Variants in RGS3 observed in about 807,000 individuals in gnomAD.
RGS3 encodes regulator of G-protein signalling 3.
In RGS3, 80 loss-of-function variants were observed where a neutral mutation model predicts 132.6. That is an observed-to-expected ratio of 0.60 (90% CI 0.50 to 0.73). The LOEUF is 0.73. RGS3 is among the 30% of genes least tolerant of loss of function. The probability of loss-of-function intolerance (pLI) is 0.00; values close to 1 mark genes in which losing one functional copy is unlikely to be tolerated. For synonymous variants in RGS3, 598 were observed against 620.6 expected, an observed-to-expected ratio of 0.96 and a Z score of 0.54; for missense variants, 1,382 against 1,530.8, an observed-to-expected ratio of 0.90 and a Z score of 1.62.
At chr9:113,517,649 A>AG in intron 16 of RGS3, 25 bp downstream of exon 14, 1 of 1,595,244 alleles carries the variant, frequency 6.3e-7, no homozygotes, top group Non-Finnish European at 8.6e-7. Flanking sequence ...TGCATTTTTT[A>AG]GGGGGCTTTC....
chr9:113,498,688 G>A (rs565645144), intron 10 of RGS3, among the ~76,000 whole-genome samples: 1 of 152,282 alleles, frequency 6.6e-6, no homozygotes, highest in South Asian at 2.1e-4. Context: ...GCCGAGGTGG[G>A]CGGATCACCT....
chr9:113,514,210 C>T (rs747394820), intron 14 of RGS3, among the ~76,000 whole-genome samples: 3 of 152,184 alleles, frequency 2.0e-5, no homozygotes, highest in Non-Finnish European at 4.4e-5. Context: ...TGGTGCCCAG[C>T]GCTGTGCTAG....
At chr9:113,521,421 C>G (rs1831949719) in intron 16 of RGS3, among the ~76,000 whole-genome samples, 1 of 152,082 alleles carries the variant, frequency 6.6e-6, no homozygotes, top group African/African-American at 2.4e-5. Flanking sequence ...AATCCCACTC[C>G]CTGGAGTGAG....
At chr9:113,477,472 T>C (rs972413041) in intron 3 of RGS3, among the ~76,000 whole-genome samples, 20 of 152,188 alleles carry the variant, frequency 1.3e-4, no homozygotes, top group Admixed American at 2.0e-4. Flanking sequence ...GGTGGACTTA[T>C]GCAGAGTTAG....
chr9:113,584,996 C>G (rs1183004348), intron 20 of RGS3, among the ~76,000 whole-genome samples: 1 of 152,200 alleles, frequency 6.6e-6, no homozygotes. Context: ...GAATCTGGTT[C>G]CAGGGCCAGT....
chr9:113,483,323 A>C (rs1030785583), intron 5 of RGS3, among the ~76,000 whole-genome samples: 2 of 152,218 alleles, frequency 1.3e-5, no homozygotes, highest in African/African-American at 4.8e-5. Context: ...GGCTTCCTGC[A>C]ACAGCCAAAA....
upstream of RGS3, among the ~76,000 whole-genome samples, chr9:113,458,852 A>G (rs891691579): frequency 1.3e-5 from 2 of 152,156 alleles, no homozygotes; most frequent in Non-Finnish European, 2.9e-5. Flanking sequence ...CCCGGGTTCA[A>G]GTGATTCTCA....
intron 14 of RGS3, among the ~76,000 whole-genome samples, chr9:113,513,444 C>T (rs1410916065): frequency 2.0e-5 from 3 of 152,134 alleles, no homozygotes; most frequent in South Asian, 4.1e-4. Flanking sequence ...CCTGGGATTC[C>T]CAGAGTCCTA....
At chr9:113,575,325 C>A (rs1834464049) in intron 19 of RGS3, among the ~76,000 whole-genome samples, 2 of 152,184 alleles carry the variant, frequency 1.3e-5, no homozygotes, top group Non-Finnish European at 2.9e-5. Context: ...GGTGAGCTAA[C>A]CTTCTGTGCC....
Position 113,507,200 on chromosome 9 carries a change from T to C in RGS3, c.1086-87T>C. 1.8e-6 allele frequency: 2 copies of C among 1,086,336 alleles called. No individual in the cohort carries two copies. Among genetic ancestry groups the C allele is most frequent in the Non-Finnish European group, 1.3e-6 (1 of 752,760 alleles). 67.3% of individuals were successfully genotyped at this position (1,086,336 alleles called of 1,614,324 possible). On this transcript the variant is annotated intron_variant, in intron 12 of 24. Coordinates refer to ENST00000350696, the Ensembl canonical transcript of RGS3. This position sits in a 1 kb window ranked among gnomAD's most constrained non-coding sequence, Gnocchi z 5.0. ...CTGGTGTCTGCCTCCTCTTCCCCCA[T>C]TATCCTCTCTGCCCTGTGGGCCCTC...
intron 9 of RGS3, among the ~76,000 whole-genome samples, chr9:113,497,622 G>A (rs1263800521): frequency 6.6e-6 from 1 of 152,138 alleles, no homozygotes; most frequent in East Asian, 1.9e-4. Flanking sequence ...TTTTACTGTA[G>A]AGGCTATGGT....
At chr9:113,499,355 G>A (rs1206937579) in intron 10 of RGS3, among the ~76,000 whole-genome samples, 2 of 152,100 alleles carry the variant, frequency 1.3e-5, no homozygotes, top group Admixed American at 1.3e-4. Flanking sequence ...TCACAGATGA[G>A]AGGGACATAC....
At chr9:113,596,819 G>C (rs199640312) in exon 25 of RGS3, 3 of 1,613,618 alleles carry the variant, frequency 1.9e-6, no homozygotes, top group Non-Finnish European at 2.5e-6. Context: ...CCTGCAGAGC[G>C]TCACGCGGGG....
chr9:113,597,321 C>T (rs1024756497), exon 25 of RGS3: 3 of 175,920 alleles, frequency 1.7e-5, no homozygotes, highest in African/African-American at 4.7e-5. Context: ...CCTGGGCTCT[C>T]GGGCCCTCCT....
At chr9:113,528,546 C>T (rs55805468) in intron 17 of RGS3, among the ~76,000 whole-genome samples, 11,393 of 152,272 alleles carry the variant, frequency 0.075, 549 homozygotes, top group Non-Finnish European at 0.096. Flanking sequence ...AATCACCTTC[C>T]CTCGGCGTTG....
In RGS3 at chr9:113,461,571, C is replaced by T. The variant is rs1236115138; in HGVS notation, c.81-136C>T. 3.5e-6 allele frequency: 3 copies of T among 858,426 alleles called. No individual in the cohort carries two copies. In the East Asian group the frequency reaches 7.4e-5, roughly 21 times the overall value. The allele number at this position is 858,426 out of a possible 1,614,324, so 53.2% of individuals were successfully genotyped here. A position where few individuals can be genotyped will look rare whatever the true frequency, so the allele number is the denominator to read the frequency against. On this transcript the variant is annotated intron_variant, in intron 1 of 24. Transcript: ENST00000350696. ...AGGGGCCAGCTCAGGATCAGGCTGG[C>T]CTTGCAATCTTCCAACTGAATATGT...
exon 22 of RGS3, chr9:113,594,494 C>T (rs769286786): frequency 1.5e-5 from 25 of 1,613,646 alleles, no homozygotes; most frequent in Non-Finnish European, 2.0e-5. Context: ...TGGAGCCCCT[C>T]CCGCGGGCAA....
intron 4 of RGS3, among the ~76,000 whole-genome samples, chr9:113,481,971 G>A (rs1215198806): frequency 2.0e-5 from 3 of 151,910 alleles, no homozygotes; most frequent in South Asian, 2.1e-4. Flanking sequence ...ACTTGAACCC[G>A]GGAGGTGGAG....
Position 113,590,415 on chromosome 9 carries a change from CCCAT to C in RGS3, c.3016-912_3016-909del, listed in dbSNP as rs1186474571. Among the ~76,000 whole-genome samples, 203 of 123,904 alleles carry C rather than the reference CCCAT, an allele frequency of 1.6e-3. 2 individuals carry two copies. Among genetic ancestry groups the C allele is most frequent in the African/African-American group, 5.9e-3 (194 of 33,068 alleles). 81.3% of individuals were successfully genotyped at this position (123,904 alleles called of 152,430 possible). On this transcript the variant is annotated intron_variant, in intron 20 of 24. Transcript: ENST00000350696. ...CATCTACCATCCACCCACCCACCCA[CCCAT>C]CCATCTATTCACCCATGCATTCATA...
Sources: allele counts gnomAD v4.1 joint callset (sites outside exome capture counted in the v4.1 genomes callset), GRCh38; gene constraint gnomAD v4.1.1; non-coding constraint Gnocchi (gnomAD v3.1); transcripts MANE v1.5; gene names NCBI Gene and HGNC (gene_info 2026-07-23, HGNC 2026-07-21).